The following FSD1L variants were observed in gnomAD, a reference collection of about 807,000 sequenced individuals.
The protein encoded by FSD1L is fibronectin type III and SPRY domain containing 1 like, also known as FSD1-like protein.
In FSD1L, 45 loss-of-function variants were observed where a neutral mutation model predicts 71.6. The observed-to-expected ratio is 0.63, with a 90% CI of 0.49 to 0.81. The LOEUF is 0.81. Among genes scored for constraint, FSD1L ranks in the 30% least tolerant of loss-of-function variants. The pLI is 0.00. For synonymous variants in FSD1L, 197 were observed against 207.2 expected (o/e 0.95, Z 0.42); for missense variants, 561 against 618.1 (o/e 0.91, Z 0.98).
At chr9:105,541,098 G>A (rs1021584351) in intron 13 of FSD1L, among the ~76,000 whole-genome samples, 2 of 152,040 alleles carry the variant, frequency 1.3e-5, no homozygotes, top group Non-Finnish European at 2.9e-5. Flanking sequence ...GTAAGAGTGG[G>A]TTGAAAATAC....
chr9:105,510,333 C>T (rs918747608), intron 9 of FSD1L, among the ~76,000 whole-genome samples: 1 of 149,388 alleles, frequency 6.7e-6, no homozygotes, highest in African/African-American at 2.6e-5. Flanking sequence ...AAGTTAGACT[C>T]CTACATGGCC....
upstream of FSD1L, among the ~76,000 whole-genome samples, chr9:105,447,555 T>C (rs948226661): frequency 6.6e-6 from 1 of 151,992 alleles, no homozygotes; most frequent in African/African-American, 2.4e-5. Context: ...CCAAAGCTCA[T>C]ATTAATCCCA....
chr9:105,481,187 T>C (rs1252495060), intron 6 of FSD1L, among the ~76,000 whole-genome samples: 1 of 89,498 alleles, frequency 1.1e-5, no homozygotes, highest in Non-Finnish European at 2.2e-5. Flanking sequence ...GTGGTTCTTT[T>C]TTTTTTTTTT....
intron 6 of FSD1L, among the ~76,000 whole-genome samples, chr9:105,483,892 G>A (rs1832367652): frequency 1.3e-5 from 2 of 151,950 alleles, no homozygotes; most frequent in African/African-American, 2.4e-5. Flanking sequence ...TACAATATTA[G>A]GTCAATCTAC....
intron 10 of FSD1L, among the ~76,000 whole-genome samples, 184 bp downstream of exon 10, chr9:105,513,120 A>G (rs562502556): frequency 3.0e-4 from 45 of 152,134 alleles, no homozygotes; most frequent in Middle Eastern, 3.4e-3. Flanking sequence ...ATTTTTTATT[A>G]CTTTTTTTTA....
intron 10 of FSD1L, among the ~76,000 whole-genome samples, chr9:105,526,872 C>T (rs1345854259): frequency 1.3e-5 from 2 of 151,768 alleles, no homozygotes; most frequent in East Asian, 3.9e-4. Context: ...CAATTAGTCT[C>T]ATTATTTATT....
At chr9:105,493,688 C>T (rs1391993525) in intron 7 of FSD1L, among the ~76,000 whole-genome samples, 4 of 152,144 alleles carry the variant, frequency 2.6e-5, no homozygotes, top group African/African-American at 9.7e-5. Flanking sequence ...TCTTTTAGGG[C>T]AGGCCTGGTG....
At chr9:105,498,017 T>A (rs1833523710) in intron 7 of FSD1L, among the ~76,000 whole-genome samples, 1 of 151,902 alleles carries the variant, frequency 6.6e-6, no homozygotes, top group South Asian at 2.1e-4. Context: ...CTAATTTAAA[T>A]CTTTTTTTGT....
chr9:105,520,388 C>T (rs2068267), intron 10 of FSD1L: 311,375 of 1,163,084 alleles, frequency 0.27, 45,172 homozygotes, highest in Non-Finnish European at 0.3. Flanking sequence ...TGATCTTAAA[C>T]AGTTTTTCGA....
chr9:105,473,549 A>G (rs933153903), intron 5 of FSD1L, among the ~76,000 whole-genome samples: 3 of 152,116 alleles, frequency 2.0e-5, no homozygotes, highest in Non-Finnish European at 4.4e-5. Context: ...TCTGTTTTCT[A>G]CTTGTTAACA....
chr9:105,450,723 G>A lies in FSD1L; in HGVS notation c.15+2488G>A, dbSNP rs139649827. 5.4e-3 allele frequency among the ~76,000 whole-genome samples: 825 copies of A among 151,482 alleles called. 10 individuals are homozygous for A. Among genetic ancestry groups the A allele is most frequent in the African/African-American group, 0.019 (800 of 41,256 alleles). On this transcript the variant is annotated intron_variant, in intron 1 of 13. Coordinates refer to ENST00000481272, the MANE Select transcript of FSD1L (RefSeq NM_001145313.3). ...TAATTTTTGTATTTTTAGTAGAGAC[G>A]GGGTTTTACCATGATGGCCAGCTGG...
intron 10 of FSD1L, among the ~76,000 whole-genome samples, chr9:105,533,739 T>G (rs981531422): frequency 4.0e-5 from 6 of 151,024 alleles, no homozygotes; most frequent in Middle Eastern, 6.8e-3. Flanking sequence ...CCTTTTTTTT[T>G]AAGACAGAGT....
chr9:105,488,735 A>G (rs931927812), intron 7 of FSD1L, among the ~76,000 whole-genome samples: 1 of 151,624 alleles, frequency 6.6e-6, no homozygotes, highest in East Asian at 1.9e-4. Context: ...ATATTATGTG[A>G]AGGATCTTTT....
intron 1 of FSD1L, among the ~76,000 whole-genome samples, chr9:105,452,634 CCTGCCTGCCTG>C (rs2131566509): frequency 9.4e-6 from 1 of 106,862 alleles, no homozygotes; most frequent in South Asian, 3.6e-4. Flanking sequence ...CGCTCGCCTG[CCTGCCTGCCTG>C]CCTGCCTGCC....
At position 105,522,378 on chromosome 9, in the gene FSD1L, A is replaced by G. The variant is rs146048686; in HGVS notation, c.1025+9442A>G. 7 of 1,614,022 alleles carry G rather than the reference A, an allele frequency of 4.3e-6. No individual in the cohort carries two copies. In the Admixed American group the frequency reaches 5.0e-5, roughly 12 times the overall value. Reference sequence around the variant, plus strand: ...GAAAGGAGTTGGACATGAATTTCAGAAAGTTTCAGTTGACAAGTCATTTTC... The same window carrying G: ...GAAAGGAGTTGGACATGAATTTCAGGAAGTTTCAGTTGACAAGTCATTTTC... On this transcript the variant is annotated intron_variant, in intron 10 of 13. Transcript: ENST00000481272.
At chr9:105,489,033 A>G (rs369350627) in intron 7 of FSD1L, among the ~76,000 whole-genome samples, 13 of 152,190 alleles carry the variant, frequency 8.5e-5, no homozygotes, top group African/African-American at 3.1e-4. Flanking sequence ...TATAATTGTT[A>G]TCTGTCAATT....
chr9:105,458,108 G>A (rs1300760721), intron 1 of FSD1L, among the ~76,000 whole-genome samples: 1 of 152,146 alleles, frequency 6.6e-6, no homozygotes, highest in Non-Finnish European at 1.5e-5. Context: ...CCTTGCTTGG[G>A]CCCGTGGCTC....
intron 2 of FSD1L, among the ~76,000 whole-genome samples, chr9:105,463,246 T>C (rs1175276616): frequency 3.3e-5 from 5 of 152,206 alleles, no homozygotes; most frequent in Admixed American, 3.3e-4. Flanking sequence ...TAGGAAAACC[T>C]TTATTCCACA....
intron 7 of FSD1L, among the ~76,000 whole-genome samples, chr9:105,503,271 A>G (rs568480442): frequency 1.3e-5 from 2 of 152,286 alleles, no homozygotes; most frequent in African/African-American, 4.8e-5. Context: ...AAAATTTTCT[A>G]TAAGATGGAA....
Sources: gnomAD v4.1 joint callset for allele counts (sites outside exome capture counted in the v4.1 genomes callset) on GRCh38, gnomAD v4.1.1 for gene constraint, MANE v1.5 for transcripts, NCBI Gene and HGNC (gene_info 2026-07-23, HGNC 2026-07-21) for gene names.